BAZ2A: variants seen among roughly 807,000 people sequenced by gnomAD.
BAZ2A encodes bromodomain adjacent to zinc finger domain 2A.
A neutral mutation model predicts 199.9 loss-of-function variants in BAZ2A; 34 were observed. The observed-to-expected ratio is 0.17, with a 90% CI of 0.13 to 0.23. The LOEUF (loss-of-function observed/expected upper bound fraction) is 0.23. Among genes scored for constraint, BAZ2A ranks in the 10% least tolerant of loss-of-function variants. The probability of loss-of-function intolerance (pLI) is 1.00; values close to 1 mark genes in which losing one functional copy is unlikely to be tolerated. For synonymous variants in BAZ2A, 857 were observed against 883.9 expected (o/e 0.97, Z 0.54); for missense variants, 2,002 against 2,391.1 (o/e 0.84, Z 3.39).
chr12:56,631,164 T>C (rs971206490), upstream of BAZ2A, among the ~76,000 whole-genome samples: 1 of 152,056 alleles, frequency 6.6e-6, no homozygotes, highest in Non-Finnish European at 1.5e-5. Flanking sequence ...AGAGAATTTC[T>C]AGTTCAGGCC....
In BAZ2A at chr12:56,610,417, C is replaced by A. The variant is rs780730268; in HGVS notation, c.1771G>T (p.Val591Leu). The change falls in exon 8 of 29, where the codon GTG (valine) becomes TTG (leucine). Residue 591 changes from valine to leucine, a missense_variant. By Grantham distance (32) the Val-to-Leu change is conservative. This residue lies in a region of BAZ2A where 74 missense variants were observed against 126.1 expected (regional missense o/e 0.59). Transcript: ENST00000549884. Reference protein sequence around the residue: ...CGKRMKQFPEVIKYLSRNVVH... With the variant: ...CGKRMKQFPELIKYLSRNVVH... The stretch of plus-strand genomic sequence containing the variant: ...AAAAAAAGCTACATTACCTTGATCA[C>A]TTCTGGAAATTGCTTCATCCTCTTC... 5.6e-5 allele frequency: 90 copies of A among 1,613,646 alleles called. No homozygotes were observed. Among genetic ancestry groups the A allele is most frequent in the Non-Finnish European group, 4.3e-5 (51 of 1,179,788 alleles).
chr12:56,612,811 C>A (rs922249920), intron 5 of BAZ2A, among the ~76,000 whole-genome samples: 1 of 152,128 alleles, frequency 6.6e-6, no homozygotes, highest in South Asian at 2.1e-4. Context: ...TTAGTAGAGG[C>A]GGGGTTTCAC....
intron 1 of BAZ2A, among the ~76,000 whole-genome samples, chr12:56,623,699 T>C (rs1421526886): frequency 1.3e-5 from 2 of 152,066 alleles, no homozygotes; most frequent in Non-Finnish European, 2.9e-5. Context: ...GCTACTGGCA[T>C]CTAGTAAGCA....
intron 1 of BAZ2A, among the ~76,000 whole-genome samples, chr12:56,627,825 CAAAAA>C (rs547754562): frequency 3.4e-5 from 2 of 58,256 alleles, no homozygotes; most frequent in Non-Finnish European, 6.8e-5. Flanking sequence ...GACCCTGTCT[CAAAAA>C]AAAAAAAAAA....
rs183141027 is a variant in BAZ2A, at chr12:56,599,366, T to G, written c.5173-8A>C. 6.2e-7 allele frequency: 1 copy of G among 1,610,198 alleles called. No individual in the cohort carries two copies. Among genetic ancestry groups the G allele is most frequent in the Admixed American group, 1.7e-5 (1 of 59,674 alleles). ...GAATTCTCCCTCCACCTGCTTAGTATAGGAAACAGGTGAGATTAGCAACAG... is the reference window on the plus strand; with the variant it reads ...GAATTCTCCCTCCACCTGCTTAGTAGAGGAAACAGGTGAGATTAGCAACAG... On this transcript the variant is annotated splice_region_variant and splice_polypyrimidine_tract_variant and intron_variant, in intron 26 of 28. Coordinates refer to ENST00000549884, the MANE Select transcript of BAZ2A (RefSeq NM_001300905.2).
Position 56,604,206 on chromosome 12 carries a change from C to G in BAZ2A, c.3038+11G>C. On this transcript the variant is annotated intron_variant, in intron 16 of 28. Coordinates refer to ENST00000549884, the MANE Select transcript of BAZ2A (RefSeq NM_001300905.2). ...TCCTCTCTGAGGCTCTACTCTCTGT[C>G]TGGTCCCTACCTCCGGAGCCGGCCT... 6.3e-7 allele frequency: 1 copy of G among 1,599,508 alleles called. No individual in the cohort carries two copies. Among genetic ancestry groups the G allele is most frequent in the Non-Finnish European group, 8.5e-7 (1 of 1,171,808 alleles).
At chr12:56,613,350 T>C (rs998312730) in intron 4 of BAZ2A, 117 bp from the exon 5 acceptor site, 2 of 1,039,616 alleles carry the variant, frequency 1.9e-6, no homozygotes, top group Non-Finnish European at 1.4e-6. Flanking sequence ...TGAAGATTCT[T>C]CCTAATATTA....
intron 18 of BAZ2A, 43 bp downstream of exon 18, chr12:56,603,316 C>A: frequency 6.3e-7 from 1 of 1,583,992 alleles, no homozygotes; most frequent in Non-Finnish European, 8.6e-7. Context: ...CAATTCTTGC[C>A]CAGCCCATAT....
At chr12:56,607,366 T>C (rs1167437043) in intron 10 of BAZ2A, among the ~76,000 whole-genome samples, 2 of 152,200 alleles carry the variant, frequency 1.3e-5, no homozygotes, top group Non-Finnish European at 2.9e-5. Flanking sequence ...CTGACATGAC[T>C]ATATATACAT....
chr12:56,625,465 C>A (rs1454152348), intron 1 of BAZ2A, among the ~76,000 whole-genome samples: 2 of 152,052 alleles, frequency 1.3e-5, no homozygotes, highest in Non-Finnish European at 2.9e-5. Flanking sequence ...AGAATTTAAA[C>A]TCTAACAGTT....
Position 56,609,939 on chromosome 12 carries a change from T to A in BAZ2A, c.1889A>T (p.Gln630Leu). 6.2e-7 allele frequency: 1 copy of A among 1,612,136 alleles called. No homozygotes were observed. The highest frequency in any genetic ancestry group is 8.5e-7 in the Non-Finnish European group (1 of 1,179,682). Residue 630 changes from glutamine to leucine, a missense_variant, in exon 10 of 29, where the codon CAG becomes CTG. This residue lies in a region of BAZ2A where 74 missense variants were observed against 126.1 expected (regional missense o/e 0.59). Transcript: ENST00000549884. ...CTCCTCTGCTGAGAGCTGCACCCACTGCAAGCCCTAAGGTAGCAAGGGAGA... is the reference window on the plus strand; with the variant it reads ...CTCCTCTGCTGAGAGCTGCACCCACAGCAAGCCCTAAGGTAGCAAGGGAGA... ...FEERDTPEGL[Q>L]WVQLSAEEIP...
At position 56,604,689 on chromosome 12, in the gene BAZ2A, A is replaced by C; in HGVS notation, c.2859T>G (p.Cys953Trp). Residue 953 changes from cysteine (C) to tryptophan (W), a missense_variant, in exon 15 of 29, where the codon TGT (cysteine) becomes TGG (tryptophan). Physicochemically the swap from Cys to Trp is radical, Grantham distance 215. Around this residue, in one of 6 missense-constraint regions of BAZ2A, gnomAD observed 1,081 missense variants for 1,274.7 expected, o/e 0.85. Coordinates refer to ENST00000549884, the MANE Select transcript of BAZ2A (RefSeq NM_001300905.2). The stretch of plus-strand genomic sequence containing the variant: ...GAAAAGGCTGGGTGCGCAGGCGGTC[A>C]CAGAGGGCTGGCTCTACTCCATATG... The part of the protein sequence containing the change: ...LMAYGVEPAL[C>W]DRLRTQPFQA... 1.9e-6 allele frequency: 3 copies of C among 1,613,408 alleles called. No individual in the cohort carries two copies. Among genetic ancestry groups the C allele is most frequent in the Non-Finnish European group, 1.7e-6 (2 of 1,179,668 alleles).
chr12:56,598,458 G>C lies in BAZ2A; in HGVS notation c.*160C>G, dbSNP rs1256747035. 3 of 849,068 alleles carry C rather than the reference G, an allele frequency of 3.5e-6. No homozygotes were observed. The highest frequency in any genetic ancestry group is 5.4e-6 in the Non-Finnish European group (3 of 560,188). 52.6% of individuals were successfully genotyped at this position (849,068 alleles called of 1,614,324 possible). A position where few individuals can be genotyped will look rare whatever the true frequency, so the allele number is the denominator to read the frequency against. ...AGGAGGGAAGGGAGAAAGGGATGTA[G>C]GAATAAGAGGATGTGGGGCACTGCC... On this transcript the variant is annotated 3_prime_UTR_variant, in exon 29 of 29. Coordinates refer to ENST00000549884, the MANE Select transcript of BAZ2A (RefSeq NM_001300905.2).
In BAZ2A at chr12:56,614,108, A is replaced by G; in HGVS notation, c.761T>C (p.Val254Ala). Residue 254 changes from valine to alanine, a missense_variant, in exon 4 of 29, where the codon GTC (valine) becomes GCC (alanine). This residue lies in a region of BAZ2A where 641 missense variants were observed against 694.5 expected (regional missense o/e 0.92). Coordinates refer to ENST00000549884, the MANE Select transcript of BAZ2A (RefSeq NM_001300905.2). ...ELKMCGYNGS[V>A]PSVESLHQEV... ...TTGGTGTAACGATTCCACAGAAGGG[A>G]CAGAGCCATTGTAGCCACACATCTT... 3 of 1,614,016 alleles carry G rather than the reference A, an allele frequency of 1.9e-6. No homozygotes were observed. The highest frequency in any genetic ancestry group is 2.5e-6 in the Non-Finnish European group (3 of 1,179,870).
At chr12:56,625,154 CTTTTTTTTTT>C (rs1002458672) in intron 1 of BAZ2A, among the ~76,000 whole-genome samples, 1 of 108,112 alleles carries the variant, frequency 9.2e-6, no homozygotes, top group African/African-American at 3.8e-5. Flanking sequence ...CTTAGAATTT[CTTTTTTTTTT>C]TTTTTTTTTT....
intron 22 of BAZ2A, 46 bp from the exon 23 acceptor site, chr12:56,600,878 C>T: frequency 6.2e-7 from 1 of 1,611,090 alleles, no homozygotes. Context: ...GGCTGTTGTC[C>T]CTAGCAGCAG....
rs1246906788 is a variant in BAZ2A at position 56,598,137 on chromosome 12, G to A, written c.*481C>T. On this transcript the variant is annotated 3_prime_UTR_variant, in exon 29 of 29. Coordinates refer to ENST00000549884, the MANE Select transcript of BAZ2A (RefSeq NM_001300905.2). Reference sequence around the variant, plus strand: ...ATGTCCAGGGCCCGGTGTCCGGCGCGACACACTTGGGAGTTAAGTCCACTT... The same window carrying A: ...ATGTCCAGGGCCCGGTGTCCGGCGCAACACACTTGGGAGTTAAGTCCACTT... 3.9e-5 allele frequency: 6 copies of A among 155,628 alleles called. No individual in the cohort carries two copies. Among genetic ancestry groups the A allele is most frequent in the Non-Finnish European group, 8.6e-5 (6 of 70,088 alleles). The allele number at this position is 155,628 out of a possible 1,614,324, so 9.6% of individuals were successfully genotyped here.
rs1401184566 is a variant in BAZ2A, at chr12:56,604,744, A to G, written c.2804T>C (p.Val935Ala). 1 of 1,613,810 alleles carries G rather than the reference A, an allele frequency of 6.2e-7. No individual in the cohort carries two copies. The highest frequency in any genetic ancestry group is 1.7e-5 in the Admixed American group (1 of 60,000). Residue 935 changes from valine (V) to alanine (A), a missense_variant, in exon 15 of 29, where the codon GTG (valine) becomes GCG (alanine). Coordinates refer to ENST00000549884, the MANE Select transcript of BAZ2A (RefSeq NM_001300905.2). ...VSEIPLTRDN[V>A]SEILRCFLMA... ...AAGGAAGCAGCGCAGGATCTCTGAC[A>G]CATTGTCTCTTGTCAGTGGGATCTC...
Position 56,598,509 on chromosome 12 carries a change from G to C in BAZ2A, c.*109C>G, listed in dbSNP as rs749370799. 3.6e-6 allele frequency: 5 copies of C among 1,380,286 alleles called. No individual in the cohort carries two copies. The East Asian group carries it at 7.5e-5, about 21-fold the overall frequency. The allele number at this position is 1,380,286 out of a possible 1,614,324, so 85.5% of individuals were successfully genotyped here. A position where few individuals can be genotyped will look rare whatever the true frequency, so the allele number is the denominator to read the frequency against. The stretch of plus-strand genomic sequence containing the variant: ...AAGGGCAAGGTCAAAAATCAGGGTT[G>C]TATCTGACTTGAGTCTGGACCCAGG... On this transcript the variant is annotated 3_prime_UTR_variant, in exon 29 of 29. Coordinates refer to ENST00000549884, the MANE Select transcript of BAZ2A (RefSeq NM_001300905.2).
Sources: gnomAD v4.1 joint callset for allele counts (sites outside exome capture counted in the v4.1 genomes callset) on GRCh38, gnomAD v4.1.1 for gene constraint, gnomAD v4.1.1 regional missense constraint, MANE v1.5 for transcripts, NCBI Gene and HGNC (gene_info 2026-07-23, HGNC 2026-07-21) for gene names.